The following CAMTA1 variants were observed in gnomAD, a reference collection of about 807,000 sequenced individuals.
The protein encoded by CAMTA1 is calmodulin-binding transcription activator 1.
CAMTA1 carries 27 observed loss-of-function variants against 170.9 expected under a neutral mutation model. The ratio of observed to expected loss-of-function variants is 0.16; its 90% CI spans 0.12 to 0.22. CAMTA1 has a LOEUF of 0.22. Ranked by LOEUF, CAMTA1 falls within the 10% of genes least tolerant of loss-of-function variation. The pLI is 1.00. For missense variants in CAMTA1, 1,619 were observed against 2,217.2 expected, an observed-to-expected ratio of 0.73 and a Z score of 5.42; for synonymous variants, 833 against 891.5, an observed-to-expected ratio of 0.93 and a Z score of 1.17.
chr1:7,461,018 A>T (rs953391200), intron 5 of CAMTA1, among the ~76,000 whole-genome samples: 3 of 152,168 alleles, frequency 2.0e-5, no homozygotes, highest in Non-Finnish European at 4.4e-5. Flanking sequence ...CAGAGGAGGT[A>T]GCAGAGGGAC....
At chr1:7,090,884 T>A (rs1189349190) in intron 3 of CAMTA1, among the ~76,000 whole-genome samples, 1 of 152,170 alleles carries the variant, frequency 6.6e-6, no homozygotes, top group Non-Finnish European at 1.5e-5. Flanking sequence ...GAATGCGACG[T>A]CTCTTGTGAC....
chr1:6,948,245 C>T (rs540649908), intron 3 of CAMTA1, among the ~76,000 whole-genome samples: 5 of 152,294 alleles, frequency 3.3e-5, no homozygotes. Context: ...GCTGCAATGC[C>T]TTTCCCCCAG....
chr1:7,659,461 G>A (rs61772080), intron 7 of CAMTA1, among the ~76,000 whole-genome samples: 38,790 of 152,162 alleles, frequency 0.25, 5,046 homozygotes, highest in Middle Eastern at 0.36. Flanking sequence ...TTGAACTCAG[G>A]AGGCAGAGGT....
rs559936580 is a variant in CAMTA1, at chr1:7,073,071, C to T, written c.235-18233C>T. 5.9e-5 allele frequency among the ~76,000 whole-genome samples: 9 copies of T among 152,186 alleles called. No homozygotes were observed. In the South Asian group the frequency reaches 8.3e-4, roughly 14 times the overall value. ...GAGGTGCTGGTAGCTTGAACCAAGG[C>T]GGCAGCAATTAAGATGGGAGAAGTG... On this transcript the variant is annotated intron_variant, in intron 3 of 22. Transcript: ENST00000303635.
intron 11 of CAMTA1, among the ~76,000 whole-genome samples, chr1:7,723,214 A>T (rs1348576395): frequency 6.6e-6 from 1 of 152,198 alleles, no homozygotes; most frequent in Admixed American, 6.5e-5. Context: ...GAAATGAGAG[A>T]TGAATCTGGA....
intron 6 of CAMTA1, among the ~76,000 whole-genome samples, chr1:7,493,715 C>A (rs1239664105): frequency 6.6e-6 from 1 of 151,840 alleles, no homozygotes; most frequent in Non-Finnish European, 1.5e-5. Flanking sequence ...CTCAGGGCAC[C>A]TTCTCGAGGA....
intron 6 of CAMTA1, among the ~76,000 whole-genome samples, chr1:7,479,955 G>A (rs2093485496): frequency 6.6e-6 from 1 of 152,140 alleles, no homozygotes; most frequent in Admixed American, 6.5e-5. Flanking sequence ...GTATGTCAGT[G>A]TGTGAGTACA....
intron 4 of CAMTA1, among the ~76,000 whole-genome samples, chr1:7,134,828 C>T (rs1344877729): frequency 6.6e-6 from 1 of 152,076 alleles, no homozygotes; most frequent in Non-Finnish European, 1.5e-5. Flanking sequence ...AGAGAATCTA[C>T]AGAGTGGGAG....
At chr1:7,304,380 A>G (rs536010177) in intron 5 of CAMTA1, among the ~76,000 whole-genome samples, 53 of 152,342 alleles carry the variant, frequency 3.5e-4, no homozygotes, top group Non-Finnish European at 1.5e-5. Flanking sequence ...ATAATATCTG[A>G]CAATTATTTT....
chr1:7,601,401 C>G (rs964149270), intron 6 of CAMTA1, among the ~76,000 whole-genome samples: 11 of 151,988 alleles, frequency 7.2e-5, no homozygotes, highest in African/African-American at 2.4e-4. Context: ...GGCAGAGACG[C>G]TCCTCACTTC....
At chr1:6,893,035 CTT>C (rs998895974) in intron 3 of CAMTA1, among the ~76,000 whole-genome samples, 2 of 151,726 alleles carry the variant, frequency 1.3e-5, no homozygotes, top group African/African-American at 4.8e-5. Context: ...AATCCCAGCA[CTT>C]TTGGGAGGCC....
chr1:7,611,222 G>T (rs1424221914), intron 6 of CAMTA1, among the ~76,000 whole-genome samples: 1 of 152,208 alleles, frequency 6.6e-6, no homozygotes, highest in African/African-American at 2.4e-5. Context: ...AGCCTGGGGG[G>T]CTGCTGAGTC....
At chr1:6,846,917 G>T (rs1658385999) in intron 3 of CAMTA1, among the ~76,000 whole-genome samples, 2 of 151,922 alleles carry the variant, frequency 1.3e-5, no homozygotes, top group Admixed American at 1.3e-4. Context: ...GGTATAAAAG[G>T]TATAATAGAA....
intron 6 of CAMTA1, among the ~76,000 whole-genome samples, chr1:7,519,115 A>C (rs1000288697): frequency 6.6e-6 from 1 of 152,116 alleles, no homozygotes; most frequent in Non-Finnish European, 1.5e-5. Context: ...AGTTGAGATC[A>C]TAAACAGGTG....
intron 5 of CAMTA1, among the ~76,000 whole-genome samples, chr1:7,312,046 T>C (rs1676803908): frequency 6.6e-6 from 1 of 152,216 alleles, no homozygotes; most frequent in Non-Finnish European, 1.5e-5. Context: ...TTTTCAGTCA[T>C]CTGGCCATAA....
intron 5 of CAMTA1, among the ~76,000 whole-genome samples, chr1:7,309,562 G>T (rs900112247): frequency 6.6e-6 from 1 of 151,968 alleles, no homozygotes; most frequent in South Asian, 2.1e-4. Flanking sequence ...GCCTCCCAAA[G>T]TGCTGGGATT....
intron 4 of CAMTA1, among the ~76,000 whole-genome samples, chr1:7,232,726 C>G (rs530295896): frequency 6.6e-6 from 1 of 152,090 alleles, no homozygotes; most frequent in Non-Finnish European, 1.5e-5. Flanking sequence ...AGCTACTCTC[C>G]GCCCATCTTT....
chr1:7,393,450 CT>C (rs1033460399), intron 5 of CAMTA1, among the ~76,000 whole-genome samples: 1 of 151,606 alleles, frequency 6.6e-6, no homozygotes, highest in Non-Finnish European at 1.5e-5. Context: ...TTTATTTTTT[CT>C]TTTTTTTGTA....
At chr1:7,051,638 G>C (rs1200708425) in intron 3 of CAMTA1, among the ~76,000 whole-genome samples, 1 of 130,832 alleles carries the variant, frequency 7.6e-6, no homozygotes, top group Non-Finnish European at 1.8e-5. Context: ...TGCTTTGATA[G>C]ACTGTCCCTT....
Sources: gnomAD v4.1 joint callset for allele counts (sites outside exome capture counted in the v4.1 genomes callset) on GRCh38, gnomAD v4.1.1 for gene constraint, MANE v1.5 for transcripts, NCBI Gene and HGNC (gene_info 2026-07-23, HGNC 2026-07-21) for gene names.